CFAP74: variants seen among roughly 807,000 people sequenced by gnomAD.
CFAP74 encodes the protein cilia- and flagella-associated protein 74.
CFAP74 carries 124 observed loss-of-function variants against 188.9 expected under a neutral mutation model. That is an observed-to-expected ratio of 0.66 (90% CI 0.57 to 0.76). CFAP74 has a LOEUF of 0.76. CFAP74 is among the 30% of genes least tolerant of loss of function. The probability of loss-of-function intolerance (pLI) is 0.00; values close to 1 mark genes in which losing one functional copy is unlikely to be tolerated. For missense variants in CFAP74, 2,198 were observed against 2,165.2 expected (o/e 1.02, Z -0.30); for synonymous variants, 956 against 916.7 (o/e 1.04, Z -0.77).
chr1:1,926,415 C>T, intron 31 of CFAP74, 42 bp downstream of exon 31: 1 of 1,550,278 alleles, frequency 6.5e-7, no homozygotes. Context: ...CCGGTCCCCG[C>T]TCCCACCCCG....
chr1:1,993,930 C>T (rs374321343), intron 1 of CFAP74, among the ~76,000 whole-genome samples: 22 of 150,018 alleles, frequency 1.5e-4, no homozygotes, highest in Admixed American at 3.3e-4. Context: ...TGCAGTGAGC[C>T]GAGATCACAC....
intron 30 of CFAP74, 57 bp downstream of exon 30, chr1:1,926,595 A>G: frequency 6.5e-7 from 1 of 1,544,574 alleles, no homozygotes; most frequent in African/African-American, 1.4e-5. Context: ...GGGCTGGGGG[A>G]GGCGTGGGTG....
In CFAP74 at chr1:1,946,327, TG is replaced by T. The variant is rs1239853331; in HGVS notation, c.2353del (p.Gln785SerfsTer27). 6.5e-7 allele frequency: 1 copy of T among 1,536,040 alleles called. No individual in the cohort carries two copies. The highest frequency in any genetic ancestry group is 8.7e-7 in the Non-Finnish European group (1 of 1,146,648). On this transcript the variant is annotated frameshift_variant, in exon 20 of 39. Transcript: ENST00000682832. LOFTEE classifies it high-confidence loss of function. ...AGCAGGAATACTCACCGTGGGGCAC[TG>T]GGGGTTCTTAAACGTGACTTTGAAC... is the stretch of plus-strand genomic sequence containing the variant. ...ARFKVTFKNP[Q>X]CPTLHFRVVG...
At chr1:1,969,106 G>T (rs377627798) in intron 10 of CFAP74, among the ~76,000 whole-genome samples, 33 of 152,238 alleles carry the variant, frequency 2.2e-4, no homozygotes, top group African/African-American at 7.9e-4. Context: ...CAAGCCAGAG[G>T]TTCCAGGCTT....
chr1:1,942,320 C>G lies in CFAP74; in HGVS notation c.2487-164G>C, dbSNP rs75981089. 1.8e-3 allele frequency among the ~76,000 whole-genome samples: 276 copies of G among 152,336 alleles called. 1 individual carries two copies. Among genetic ancestry groups the G allele is most frequent in the African/African-American group, 6.4e-3 (268 of 41,572 alleles). ...CGTGCACCTCGACAATCGGAGTCCT[C>G]AAAGCCCTGCTTTGTAAGGGCTGTT... On this transcript the variant is annotated intron_variant, in intron 21 of 38. Transcript: ENST00000682832. This position sits in a 1 kb window ranked among gnomAD's most constrained non-coding sequence, Gnocchi z 4.3.
chr1:1,962,476 C>CAAAA (rs556157241), intron 14 of CFAP74, among the ~76,000 whole-genome samples: 3 of 69,354 alleles, frequency 4.3e-5, no homozygotes, highest in Non-Finnish European at 9.0e-5. Context: ...AACTCCATCT[C>CAAAA]AAAAAAAAAA....
At chr1:1,955,902 C>T (rs1654587827) in intron 17 of CFAP74, 52 bp from the exon 18 acceptor site, 1 of 1,562,758 alleles carries the variant, frequency 6.4e-7, no homozygotes, top group Admixed American at 1.8e-5. Flanking sequence ...CCTCCTTTTC[C>T]CAGTCAGCTG....
At chr1:1,922,479 C>A (rs566161944) in intron 38 of CFAP74, 91 bp from the exon 39 acceptor site, 38 of 1,545,984 alleles carry the variant, frequency 2.5e-5, no homozygotes, top group Non-Finnish European at 3.0e-5. Flanking sequence ...CCACCTGACT[C>A]CCTTGGGTCC....
chr1:1,946,037 T>C (rs1052456611), intron 20 of CFAP74, among the ~76,000 whole-genome samples: 1 of 151,560 alleles, frequency 6.6e-6, no homozygotes, highest in Non-Finnish European at 1.5e-5. Context: ...TACGTGTGTG[T>C]GGGCTCTGCG....
chr1:1,988,724 C>T (rs914783852), intron 3 of CFAP74, 69 bp from the exon 4 acceptor site: 7 of 1,579,612 alleles, frequency 4.4e-6, no homozygotes, highest in Non-Finnish European at 5.2e-6. Context: ...CTCGGTGTGG[C>T]TGCCGGGGTA....
At chr1:1,944,154 C>T (rs1016624790) in intron 21 of CFAP74, among the ~76,000 whole-genome samples, 177 bp downstream of exon 21, 3 of 152,130 alleles carry the variant, frequency 2.0e-5, no homozygotes, top group Non-Finnish European at 4.4e-5. Flanking sequence ...GGTGCCATGT[C>T]CCCGCTGGCC....
At position 1,956,728 on chromosome 1, in the gene CFAP74, C is replaced by T. The variant is rs376241795; in HGVS notation, c.1908G>A (p.Thr636=). Residue 636 remains threonine, a synonymous_variant, in exon 17 of 39, where the codon ACG becomes ACA. Coordinates refer to ENST00000682832, the MANE Select transcript of CFAP74 (RefSeq NM_001304360.2). ...DFGSYVVGET[T]SRTITLTNVG... ...CGTTGGTCAGCGTGATGGTCCGAGA[C>T]GTGGTCTCTCCTACCACGTAGCTGC... The T allele has an allele frequency of 3.4e-4, 556 of 1,613,902 alleles. 1 individual carries two copies. The African/African-American group carries it at 6.2e-3, about 18-fold the overall frequency.
intron 6 of CFAP74, among the ~76,000 whole-genome samples, chr1:1,976,560 T>A (rs1345301071): frequency 6.6e-6 from 1 of 152,128 alleles, no homozygotes; most frequent in African/African-American, 2.4e-5. Context: ...TTTATTTCTT[T>A]TAAAATGAGT....
intron 3 of CFAP74, 74 bp from the exon 4 acceptor site, chr1:1,988,729 G>C (rs530730907): frequency 8.3e-6 from 13 of 1,570,728 alleles, no homozygotes; most frequent in South Asian, 7.9e-5. Flanking sequence ...TGTGGCTGCC[G>C]GGGTAGGTGC....
rs1656257345 is a variant in CFAP74, at chr1:1,973,865, G to GT, written c.674+159_674+160insA. Among the ~76,000 whole-genome samples, 1 of 151,906 alleles carries GT rather than the reference G, an allele frequency of 6.6e-6. No individual in the cohort carries two copies. Among genetic ancestry groups the GT allele is most frequent in the Non-Finnish European group, 1.5e-5 (1 of 67,966 alleles). ...CCTGACACTTGGGAAGGACTCAAGG[G>GT]CCCGGTGGAGGAGCAAGCTGGGAGG... is the stretch of plus-strand genomic sequence containing the variant. On this transcript the variant is annotated intron_variant, in intron 7 of 38. Coordinates refer to ENST00000682832, the MANE Select transcript of CFAP74 (RefSeq NM_001304360.2). The surrounding 1 kb of genome is among the most constrained non-coding windows in gnomAD (Gnocchi z 6.2).
chr1:1,982,395 C>T (rs566401933), intron 6 of CFAP74, among the ~76,000 whole-genome samples: 4 of 151,480 alleles, frequency 2.6e-5, no homozygotes, highest in African/African-American at 7.3e-5. Flanking sequence ...TGGTCACACG[C>T]AGGGACATGC....
At position 1,966,495 on chromosome 1, in the gene CFAP74, G is replaced by C; in HGVS notation, c.1277C>G (p.Ser426Cys). 6.3e-7 allele frequency: 1 copy of C among 1,596,502 alleles called. No homozygotes were observed. Among genetic ancestry groups the C allele is most frequent in the South Asian group, 1.1e-5 (1 of 89,156 alleles). Residue 426 changes from serine (S) to cysteine (C), a missense_variant, in exon 12 of 39, where the codon TCT becomes TGT. Transcript: ENST00000682832. ...DYEAAAGPGP[S>C]RLLEVVSSEL... is the part of the protein sequence containing the mutation. ...ACTGGAAACGACTTCCAGCAACCGA[G>C]AGGGCCCGGGGCCTGCAGCAGCCTC...
At chr1:1,959,022 C>T (rs571713496) in intron 16 of CFAP74, 98 bp downstream of exon 16, 2 of 808,810 alleles carry the variant, frequency 2.5e-6, no homozygotes, top group Admixed American at 2.1e-5. Flanking sequence ...CCTGGTCCCC[C>T]CGCCAACCTG....
chr1:1,927,383 C>G, intron 28 of CFAP74: 1 of 587,484 alleles, frequency 1.7e-6, no homozygotes, highest in Non-Finnish European at 3.0e-6. Flanking sequence ...TTGCTCCCCA[C>G]CCGTGGATTG....
Sources: allele counts gnomAD v4.1 joint callset (sites outside exome capture counted in the v4.1 genomes callset), GRCh38; gene constraint gnomAD v4.1.1; non-coding constraint Gnocchi (gnomAD v3.1); transcripts MANE v1.5; gene names NCBI Gene and HGNC (gene_info 2026-07-23, HGNC 2026-07-21).